Variants in RTN4RL2 observed in about 807,000 individuals in gnomAD.
The protein encoded by RTN4RL2 is reticulon 4 receptor like 2.
RTN4RL2 carries 9 observed loss-of-function variants against 27.8 expected under a neutral mutation model. That is an observed-to-expected ratio of 0.32 (90% CI 0.20 to 0.57). RTN4RL2 has a LOEUF of 0.57. Among genes scored for constraint, RTN4RL2 ranks in the 20% least tolerant of loss-of-function variants. The pLI is 0.90. For missense variants in RTN4RL2, 436 were observed against 596.8 expected, an observed-to-expected ratio of 0.73 and a Z score of 2.81; for synonymous variants, 285 against 297.9, an observed-to-expected ratio of 0.96 and a Z score of 0.45.
chr11:57,469,659 T>C (rs1414257476), intron 2 of RTN4RL2, among the ~76,000 whole-genome samples: 1 of 152,234 alleles, frequency 6.6e-6, no homozygotes, highest in East Asian at 1.9e-4. Context: ...AACATTGGTT[T>C]CAGTGAAGTG....
Position 57,476,085 on chromosome 11 carries a change from C to T in RTN4RL2, c.514-77C>T. 7.0e-7 allele frequency: 1 copy of T among 1,429,782 alleles called. No individual in the cohort carries two copies. Among genetic ancestry groups the T allele is most frequent in the Non-Finnish European group, 9.5e-7 (1 of 1,052,288 alleles). The allele number at this position is 1,429,782 out of a possible 1,614,324, so 88.6% of individuals were successfully genotyped here. On this transcript the variant is annotated intron_variant, in intron 2 of 2. Coordinates refer to ENST00000335099, the MANE Select transcript of RTN4RL2 (RefSeq NM_178570.3). This position sits in a 1 kb window ranked among gnomAD's most constrained non-coding sequence, Gnocchi z 8.2. ...CCACGGTGCACCCCCTTCCCTCCCC[C>T]GGCCAAGGCCCCAGCGGGGTCTGCA...
In RTN4RL2 at chr11:57,476,952, C is replaced by A; in HGVS notation, c.*41C>A. The A allele has an allele frequency of 6.6e-7, 1 of 1,508,984 alleles. No individual in the cohort carries two copies. Among genetic ancestry groups the A allele is most frequent in the Non-Finnish European group, 8.8e-7 (1 of 1,138,712 alleles). The allele number at this position is 1,508,984 out of a possible 1,614,324, so 93.5% of individuals were successfully genotyped here. On this transcript the variant is annotated 3_prime_UTR_variant, in exon 3 of 3. Transcript: ENST00000335099. The surrounding 1 kb of genome is among the most constrained non-coding windows in gnomAD (Gnocchi z 8.2). ...CGAAGAGGCCAGTGTCCGATCCCCG[C>A]TTCCCGTCCACCCGGGGCTGCGGCT...
In RTN4RL2 at chr11:57,470,662, C is replaced by T. The variant is rs74591677; in HGVS notation, c.513+2572C>T. 2.6e-5 allele frequency among the ~76,000 whole-genome samples: 4 copies of T among 152,198 alleles called. No individual in the cohort carries two copies. In the East Asian group the frequency reaches 7.7e-4, roughly 29 times the overall value. On this transcript the variant is annotated intron_variant, in intron 2 of 2. Coordinates refer to ENST00000335099, the MANE Select transcript of RTN4RL2 (RefSeq NM_178570.3). ...GGCACTATAATAATAATTACTACTA[C>T]TACTACTACTAATACTGAGATCAAA...
chr11:57,461,434 T>TG (rs1943484123), intron 1 of RTN4RL2, among the ~76,000 whole-genome samples: 1 of 3,902 alleles, frequency 2.6e-4, no homozygotes, highest in Non-Finnish European at 4.4e-4. Context: ...GGCCAGAGAC[T>TG]GGGGGTGGGG....
chr11:57,468,674 A>C (rs1487772603), intron 2 of RTN4RL2: 1 of 1,536,210 alleles, frequency 6.5e-7, no homozygotes, highest in African/African-American at 1.4e-5. Flanking sequence ...CATCCCACAG[A>C]AAGTTGCGCT....
rs1336827987 is a variant in RTN4RL2 at position 57,476,031 on chromosome 11, G to C, written c.514-131G>C. 4 of 869,528 alleles carry C rather than the reference G, an allele frequency of 4.6e-6. No homozygotes were observed. The highest frequency in any genetic ancestry group is 7.2e-6 in the Non-Finnish European group (4 of 554,026). 53.9% of individuals were successfully genotyped at this position (869,528 alleles called of 1,614,324 possible). ...GCAGAATCCAAATCCAGGATGCTAT[G>C]AATCAAAAGGTCAACCCTTTCTCTT... On this transcript the variant is annotated intron_variant, in intron 2 of 2. Coordinates refer to ENST00000335099, the MANE Select transcript of RTN4RL2 (RefSeq NM_178570.3). This position sits in a 1 kb window ranked among gnomAD's most constrained non-coding sequence, Gnocchi z 8.2.
intron 1 of RTN4RL2, among the ~76,000 whole-genome samples, chr11:57,465,806 TA>T (rs1943518822): frequency 6.7e-6 from 1 of 150,034 alleles, no homozygotes; most frequent in South Asian, 2.1e-4. Context: ...ATCAGTATCA[TA>T]ATAAGGATGG....
intron 2 of RTN4RL2, among the ~76,000 whole-genome samples, chr11:57,469,911 T>C (rs1488625159): frequency 6.6e-6 from 1 of 152,180 alleles, no homozygotes; most frequent in Non-Finnish European, 1.5e-5. Context: ...TTTTCAACCA[T>C]TGTCGGTGTG....
rs2135119257 is a variant in RTN4RL2 at position 57,468,049 on chromosome 11, C to T, written c.472C>T (p.Gln158Ter). Residue 158 changes from glutamine to a stop codon, truncating the protein, a stop_gained, in exon 2 of 3, where the codon CAG becomes TAG. Transcript: ENST00000335099. LOFTEE classifies it high-confidence loss of function. ...CATCTTCCGAGGCCTGGTCAGCCTG[C>T]AGTACCTCTACCTCCAGGAGAACAG... The part of the protein sequence containing the change: ...GNIFRGLVSL[Q>*]YLYLQENSLL... The T allele has an allele frequency of 1.3e-6, 2 of 1,599,360 alleles. No individual in the cohort carries two copies. The highest frequency in any genetic ancestry group is 2.2e-5 in the East Asian group (1 of 44,848).
chr11:57,461,387 G>A (rs550254377), intron 1 of RTN4RL2, among the ~76,000 whole-genome samples: 4 of 143,000 alleles, frequency 2.8e-5, no homozygotes, highest in Admixed American at 6.9e-5. Context: ...GCTAGAAAGA[G>A]GATAGTTCTA....
At chr11:57,474,909 G>A (rs1326705760) in intron 2 of RTN4RL2, among the ~76,000 whole-genome samples, 1 of 152,196 alleles carries the variant, frequency 6.6e-6, no homozygotes, top group East Asian at 1.9e-4. Context: ...GCACCAGGCA[G>A]GTGGGACAGC....
intron 2 of RTN4RL2, chr11:57,468,821 C>T: frequency 8.0e-7 from 1 of 1,245,576 alleles, no homozygotes; most frequent in Middle Eastern, 1.8e-4. Flanking sequence ...AATGGATGCT[C>T]TGAAAATGGA....
At chr11:57,468,791 T>C in intron 2 of RTN4RL2, 1 of 1,473,920 alleles carries the variant, frequency 6.8e-7, no homozygotes, top group Non-Finnish European at 9.2e-7. Context: ...AAAGGGTAAA[T>C]CTCTGTTATG....
rs1438726581 is a variant in RTN4RL2, at chr11:57,476,040, G to C, written c.514-122G>C. The C allele has an allele frequency of 3.2e-6, 3 of 951,368 alleles. No individual in the cohort carries two copies. In the Admixed American group the frequency reaches 7.2e-5, roughly 23 times the overall value. 58.9% of individuals were successfully genotyped at this position (951,368 alleles called of 1,614,324 possible). A position where few individuals can be genotyped will look rare whatever the true frequency, so the allele number is the denominator to read the frequency against. On this transcript the variant is annotated intron_variant, in intron 2 of 2. Coordinates refer to ENST00000335099, the MANE Select transcript of RTN4RL2 (RefSeq NM_178570.3). The surrounding 1 kb of genome is among the most constrained non-coding windows in gnomAD (Gnocchi z 8.2). ...AAATCCAGGATGCTATGAATCAAAA[G>C]GTCAACCCTTTCTCTTCTGCCACGG... is the stretch of plus-strand genomic sequence containing the variant.
rs1943592917 is a variant in RTN4RL2 at position 57,476,063 on chromosome 11, C to A, written c.514-99C>A. ...AAGGTCAACCCTTTCTCTTCTGCCA[C>A]GGTGCACCCCCTTCCCTCCCCCGGC... On this transcript the variant is annotated intron_variant, in intron 2 of 2. Coordinates refer to ENST00000335099, the MANE Select transcript of RTN4RL2 (RefSeq NM_178570.3). The surrounding 1 kb of genome is among the most constrained non-coding windows in gnomAD (Gnocchi z 8.2). The A allele has an allele frequency of 8.7e-7, 1 of 1,151,818 alleles. No homozygotes were observed. Among genetic ancestry groups the A allele is most frequent in the Non-Finnish European group, 1.2e-6 (1 of 804,236 alleles). 71.3% of individuals were successfully genotyped at this position (1,151,818 alleles called of 1,614,324 possible).
At position 57,468,109 on chromosome 11, in the gene RTN4RL2, C is replaced by A; in HGVS notation, c.513+19C>A. 2 of 1,568,892 alleles carry A rather than the reference C, an allele frequency of 1.3e-6. No homozygotes were observed. The highest frequency in any genetic ancestry group is 8.6e-7 in the Non-Finnish European group (1 of 1,162,522). ...CCTACAGGTGAGCCTGCCCTGCCCCCACCCTCAGCCCCTTTCTGGTTTCCT... is the reference window on the plus strand; with the variant it reads ...CCTACAGGTGAGCCTGCCCTGCCCCAACCCTCAGCCCCTTTCTGGTTTCCT... On this transcript the variant is annotated intron_variant, in intron 2 of 2. Transcript: ENST00000335099.
In RTN4RL2 at chr11:57,460,707, G is replaced by A. The variant is rs899768559; in HGVS notation, c.-159G>A. ...TGGCTCCTCCCGAGGCCCGCAGCCC[G>A]GGCGGCGCAGGGTAGAGCGCCGCGG... On this transcript the variant is annotated 5_prime_UTR_variant, in exon 1 of 3. Coordinates refer to ENST00000335099, the MANE Select transcript of RTN4RL2 (RefSeq NM_178570.3). The A allele has an allele frequency of 3.0e-5, 10 of 334,066 alleles. No homozygotes were observed. The highest frequency in any genetic ancestry group is 2.2e-4 in the African/African-American group (10 of 45,830). 20.7% of individuals were successfully genotyped at this position (334,066 alleles called of 1,614,324 possible).
At chr11:57,460,975 T>C in intron 1 of RTN4RL2, 79 bp downstream of exon 1, 1 of 830,004 alleles carries the variant, frequency 1.2e-6, no homozygotes, top group South Asian at 3.3e-5. Flanking sequence ...GGATTGAGGG[T>C]GGGGCAGTTG....
chr11:57,464,457 A>G (rs905547711), intron 1 of RTN4RL2, among the ~76,000 whole-genome samples: 2 of 152,114 alleles, frequency 1.3e-5, no homozygotes, highest in Non-Finnish European at 1.5e-5. Flanking sequence ...GAGCTTGTGG[A>G]TAAGGGGTAG....
Sources: gnomAD v4.1 joint callset for allele counts (sites outside exome capture counted in the v4.1 genomes callset) on GRCh38, gnomAD v4.1.1 for gene constraint, Gnocchi (gnomAD v3.1) non-coding constraint, MANE v1.5 for transcripts, NCBI Gene and HGNC (gene_info 2026-07-23, HGNC 2026-07-21) for gene names.